The following DGKI variants were observed in gnomAD, a reference collection of about 807,000 sequenced individuals.
The protein encoded by DGKI is DAG kinase iota.
DGKI carries 55 observed loss-of-function variants against 147.5 expected under a neutral mutation model. That is an observed-to-expected ratio of 0.37 (90% CI 0.30 to 0.47). The LOEUF is 0.47. Ranked by LOEUF, DGKI falls within the 20% of genes least tolerant of loss-of-function variation. The pLI, the probability that DGKI is intolerant of heterozygous loss-of-function variation, is 1.00. For synonymous variants in DGKI, 469 were observed against 477.1 expected (o/e 0.98, Z 0.22); for missense variants, 1,007 against 1,323.8 (o/e 0.76, Z 3.71).
chr7:137,425,619 C>T (rs1267492634), intron 28 of DGKI, among the ~76,000 whole-genome samples: 1 of 152,070 alleles, frequency 6.6e-6, no homozygotes, highest in Non-Finnish European at 1.5e-5. Flanking sequence ...GGAGGAAATT[C>T]AAACCAAAGG....
chr7:137,587,565 A>T (rs1819452019), intron 12 of DGKI, among the ~76,000 whole-genome samples: 1 of 152,224 alleles, frequency 6.6e-6, no homozygotes, highest in African/African-American at 2.4e-5. Context: ...CTGAATTTCA[A>T]TTCTGACTCA....
chr7:137,638,509 TATGTGTGTATATATATACAC>T (rs1821447355), intron 6 of DGKI, among the ~76,000 whole-genome samples: 1 of 120,102 alleles, frequency 8.3e-6, no homozygotes, highest in East Asian at 2.6e-4. Context: ...TATGTATATA[TATGTGTGTATATATATACAC>T]ACACATATAT....
intron 1 of DGKI, among the ~76,000 whole-genome samples, chr7:137,835,316 C>T (rs926418403): frequency 7.9e-5 from 12 of 152,196 alleles, no homozygotes; most frequent in Admixed American, 3.3e-4. Context: ...GTGCGGCTCA[C>T]GGAAGTCTGG....
intron 1 of DGKI, among the ~76,000 whole-genome samples, chr7:137,775,953 G>A (rs529967345): frequency 6.6e-6 from 1 of 152,032 alleles, no homozygotes; most frequent in East Asian, 1.9e-4. Context: ...CCGCCTCCTG[G>A]GTTCAAGCGA....
rs1184528973 is a variant in DGKI at position 137,412,225 on chromosome 7, G to C, written c.2762-18C>G. Reference sequence around the variant, plus strand: ...CAAAATTGCTGTGAAAGACAAAAGAGAGATGTCCCATTAGTAGAAGACCCT... The same window carrying C: ...CAAAATTGCTGTGAAAGACAAAAGACAGATGTCCCATTAGTAGAAGACCCT... On this transcript the variant is annotated intron_variant, in intron 28 of 32. Transcript: ENST00000614521. The C allele has an allele frequency of 2.5e-6, 4 of 1,611,316 alleles. No individual in the cohort carries two copies. Among genetic ancestry groups the C allele is most frequent in the Non-Finnish European group, 3.4e-6 (4 of 1,177,564 alleles).
At chr7:137,843,413 A>C in intron 1 of DGKI, 1 of 985,384 alleles carries the variant, frequency 1.0e-6, no homozygotes, top group Non-Finnish European at 1.2e-6. Context: ...GCCTTTTCAA[A>C]CCTTCAGCTT....
intron 21 of DGKI, among the ~76,000 whole-genome samples, chr7:137,492,560 G>A (rs1446281321): frequency 1.3e-5 from 2 of 152,156 alleles, no homozygotes; most frequent in Non-Finnish European, 2.9e-5. Context: ...TAGAATCCTG[G>A]CAGGAGGAGA....
At chr7:137,429,746 C>A (rs1429155015) in intron 28 of DGKI, among the ~76,000 whole-genome samples, 6 of 140,374 alleles carry the variant, frequency 4.3e-5, no homozygotes, top group African/African-American at 1.6e-4. Flanking sequence ...GGGCGAAGGA[C>A]ATGAACAGAC....
intron 1 of DGKI, among the ~76,000 whole-genome samples, chr7:137,817,623 T>C (rs940647314): frequency 6.6e-6 from 1 of 152,212 alleles, no homozygotes; most frequent in Non-Finnish European, 1.5e-5. Context: ...ATAATTTCAC[T>C]AGTGATTAAT....
At chr7:137,558,296 T>G (rs1005239757) in intron 19 of DGKI, among the ~76,000 whole-genome samples, 2 of 152,216 alleles carry the variant, frequency 1.3e-5, no homozygotes, top group Non-Finnish European at 2.9e-5. Context: ...TTATTTATGT[T>G]TGAGATGGAG....
chr7:137,811,041 T>C (rs1349608904), intron 1 of DGKI, among the ~76,000 whole-genome samples: 4 of 152,222 alleles, frequency 2.6e-5, no homozygotes, highest in African/African-American at 7.2e-5. Flanking sequence ...TCAGTCAGGC[T>C]AACATATTTA....
chr7:137,618,151 A>ATATATATATTTT lies in DGKI; in HGVS notation c.993+1672_993+1673insAAAATATATATA. On this transcript the variant is annotated intron_variant, in intron 8 of 32. Coordinates refer to ENST00000614521, the MANE Select transcript of DGKI (RefSeq NM_001321708.2). ...ACTATATATATATATATATATATATATTTTTTTTTTTTTACTCTATCATTC... is the reference window on the plus strand; with the variant it reads ...ACTATATATATATATATATATATATATATATATATTTTTTTTTTTTTTTTTACTCTATCATTC... 9.3e-3 allele frequency among the ~76,000 whole-genome samples: 97 copies of ATATATATATTTT among 10,462 alleles called. 16 individuals are homozygous for ATATATATATTTT. Among genetic ancestry groups the ATATATATATTTT allele is most frequent in the Non-Finnish European group, 0.035 (57 of 1,652 alleles). The allele number at this position is 10,462 out of a possible 152,430, so 6.9% of individuals were successfully genotyped here.
In DGKI at chr7:137,833,787, T is replaced by C. The variant is rs542069959; in HGVS notation, c.401+12675A>G. Reference sequence around the variant, plus strand: ...GTGAGAGGAAGCCCCCTACAACAGCTTCCAAAGGCCTCATTGGTTACCATG... The same window carrying C: ...GTGAGAGGAAGCCCCCTACAACAGCCTCCAAAGGCCTCATTGGTTACCATG... On this transcript the variant is annotated intron_variant, in intron 1 of 32. Coordinates refer to ENST00000614521, the MANE Select transcript of DGKI (RefSeq NM_001321708.2). Among the ~76,000 whole-genome samples, 6 of 152,292 alleles carry C rather than the reference T, an allele frequency of 3.9e-5. No homozygotes were observed. The South Asian group carries it at 1.2e-3, about 32-fold the overall frequency.
intron 1 of DGKI, among the ~76,000 whole-genome samples, chr7:137,767,549 GGAAGAGAAGA>G (rs202236806): frequency 6.6e-5 from 8 of 120,904 alleles, no homozygotes; most frequent in Non-Finnish European, 1.2e-4. Context: ...AGGAGGAAGA[GGAAGAGAAGA>G]GAAGAGAAGA....
intron 1 of DGKI, among the ~76,000 whole-genome samples, chr7:137,835,398 C>T (rs1406707508): frequency 2.0e-5 from 3 of 152,126 alleles, no homozygotes; most frequent in African/African-American, 7.2e-5. Context: ...TATTTCTTCC[C>T]CTAAAAATCA....
At chr7:137,784,487 G>A (rs1030264438) in intron 1 of DGKI, among the ~76,000 whole-genome samples, 1 of 151,962 alleles carries the variant, frequency 6.6e-6, no homozygotes, top group African/African-American at 2.4e-5. Context: ...ATTACTACTA[G>A]ACCTAAGAAA....
chr7:137,430,972 C>T (rs1056612755), intron 28 of DGKI, among the ~76,000 whole-genome samples: 8 of 152,144 alleles, frequency 5.3e-5, no homozygotes, highest in Non-Finnish European at 1.2e-4. Flanking sequence ...CAAAAAATCA[C>T]TCGGAGACTT....
At position 137,553,628 on chromosome 7, in the gene DGKI, T is replaced by C. The variant is rs575110777; in HGVS notation, c.1948-1060A>G. On this transcript the variant is annotated intron_variant, in intron 19 of 32. Coordinates refer to ENST00000614521, the MANE Select transcript of DGKI (RefSeq NM_001321708.2). The stretch of plus-strand genomic sequence containing the variant: ...AATCATACATTTTTGTTGTATAACA[T>C]ACATAGAGCACACAAATTTTATTAT... Among the ~76,000 whole-genome samples, 3 of 152,342 alleles carry C rather than the reference T, an allele frequency of 2.0e-5. No homozygotes were observed. In the East Asian group the frequency reaches 5.8e-4, roughly 29 times the overall value.
chr7:137,748,505 A>G (rs1170330575), intron 1 of DGKI, among the ~76,000 whole-genome samples: 1 of 152,184 alleles, frequency 6.6e-6, no homozygotes, highest in Non-Finnish European at 1.5e-5. Flanking sequence ...TGGTCATCCT[A>G]CAACTATTTA....
Sources: allele counts gnomAD v4.1 joint callset (sites outside exome capture counted in the v4.1 genomes callset), GRCh38; gene constraint gnomAD v4.1.1; transcripts MANE v1.5; gene names NCBI Gene and HGNC (gene_info 2026-07-23, HGNC 2026-07-21).